ASXL3: variants seen among roughly 807,000 people sequenced by gnomAD.
The protein encoded by ASXL3 is putative Polycomb group protein ASXL3.
A neutral mutation model predicts 170.6 loss-of-function variants in ASXL3; 34 were observed. The observed-to-expected ratio is 0.20, with a 90% CI of 0.15 to 0.27. The LOEUF (loss-of-function observed/expected upper bound fraction) is 0.27. Ranked by LOEUF, ASXL3 falls within the 10% of genes least tolerant of loss-of-function variation. The probability of loss-of-function intolerance (pLI) is 1.00; values close to 1 mark genes in which losing one functional copy is unlikely to be tolerated. For missense variants in ASXL3, 2,592 were observed against 2,695.3 expected, an observed-to-expected ratio of 0.96 and a Z score of 0.85; for synonymous variants, 1,002 against 989.1, an observed-to-expected ratio of 1.01 and a Z score of -0.24.
chr18:33,740,264 A>T lies in ASXL3; in HGVS notation c.2860A>T (p.Asn954Tyr). The change falls in exon 11 of 12, where the codon AAT (asparagine) becomes TAT (tyrosine). Residue 954 changes from asparagine (N) to tyrosine (Y), a missense_variant. Asn to Tyr is a moderately radical substitution (Grantham distance 143). Coordinates refer to ENST00000269197, the MANE Select transcript of ASXL3 (RefSeq NM_030632.3). ...CTCCAAGTCACCTGATGGGATAAGA[A>T]ATGAAAGTAGAGATTCAGAGATATC... The part of the protein sequence containing the change: ...EPSKSPDGIR[N>Y]ESRDSEISKR... The T allele has an allele frequency of 6.2e-7, 1 of 1,613,440 alleles. No individual in the cohort carries two copies. The highest frequency in any genetic ancestry group is 8.5e-7 in the Non-Finnish European group (1 of 1,179,634).
intron 4 of ASXL3, among the ~76,000 whole-genome samples, chr18:33,653,716 A>T (rs995883213): frequency 6.6e-6 from 1 of 152,082 alleles, no homozygotes; most frequent in Non-Finnish European, 1.5e-5. Context: ...CAATTGAAGT[A>T]GACAATATTC....
intron 2 of ASXL3, among the ~76,000 whole-genome samples, chr18:33,610,359 G>A (rs1451816844): frequency 6.6e-6 from 1 of 151,884 alleles, no homozygotes; most frequent in Admixed American, 6.6e-5. Flanking sequence ...TTACTAATAT[G>A]GCCATAACCC....
At chr18:33,688,021 T>C (rs1195933487) in intron 8 of ASXL3, among the ~76,000 whole-genome samples, 1 of 152,218 alleles carries the variant, frequency 6.6e-6, no homozygotes, top group Non-Finnish European at 1.5e-5. Flanking sequence ...TTGTGTAGGA[T>C]GGCTACCCGA....
intron 5 of ASXL3, among the ~76,000 whole-genome samples, chr18:33,668,712 A>T (rs2066296575): frequency 1.3e-5 from 2 of 151,918 alleles, no homozygotes; most frequent in African/African-American, 4.8e-5. Flanking sequence ...CTTCTGTCTG[A>T]TTACTAATTT....
chr18:33,607,308 A>G (rs1482559825), intron 1 of ASXL3, among the ~76,000 whole-genome samples: 3 of 151,982 alleles, frequency 2.0e-5, no homozygotes, highest in Admixed American at 2.0e-4. Flanking sequence ...AAAGGAAATT[A>G]TATACATTTG....
chr18:33,630,146 T>C (rs1277734844), intron 2 of ASXL3, among the ~76,000 whole-genome samples: 1 of 151,982 alleles, frequency 6.6e-6, no homozygotes, highest in African/African-American at 2.4e-5. Context: ...TATTTTTAAG[T>C]GTCACATACT....
At chr18:33,637,411 A>G (rs1354134545) in intron 2 of ASXL3, among the ~76,000 whole-genome samples, 3 of 152,142 alleles carry the variant, frequency 2.0e-5, no homozygotes, top group Non-Finnish European at 4.4e-5. Flanking sequence ...AGAATGCAAC[A>G]TACATTTCTC....
At chr18:33,637,707 A>T (rs1053414967) in intron 2 of ASXL3, among the ~76,000 whole-genome samples, 1 of 152,144 alleles carries the variant, frequency 6.6e-6, no homozygotes, top group Non-Finnish European at 1.5e-5. Flanking sequence ...AAATAGGCTA[A>T]AAGTCCTGAA....
intron 8 of ASXL3, among the ~76,000 whole-genome samples, chr18:33,718,005 A>G (rs2067193553): frequency 6.6e-6 from 1 of 152,124 alleles, no homozygotes; most frequent in Non-Finnish European, 1.5e-5. Context: ...CACATCAAAG[A>G]TTAAAAGTAG....
chr18:33,729,803 C>T (rs894898341), intron 8 of ASXL3, among the ~76,000 whole-genome samples: 4 of 152,064 alleles, frequency 2.6e-5, no homozygotes, highest in Admixed American at 2.0e-4. Flanking sequence ...AGACCGCCAT[C>T]CCTGAGGAGT....
At chr18:33,706,876 T>C (rs940940057) in intron 8 of ASXL3, among the ~76,000 whole-genome samples, 27 of 152,040 alleles carry the variant, frequency 1.8e-4, no homozygotes, top group African/African-American at 6.0e-4. Flanking sequence ...ATTCGCATCA[T>C]GTAAAGAGAT....
Position 33,745,116 on chromosome 18 carries a change from C to T in ASXL3, c.5268C>T (p.Gly1756=). ...CGCTGGTGACGCAGTTACTACAGGG[C>T]AACCTGCCTTTGGAAAAAGTGTTGC... ...NNPLVTQLLQ[G]NLPLEKVLPQ... is the part of the protein sequence containing the mutation. The change falls in exon 12 of 12, where the codon GGC becomes GGT. Residue 1756 remains glycine (G), a synonymous_variant. Transcript: ENST00000269197. 6.2e-7 allele frequency: 1 copy of T among 1,614,026 alleles called. No homozygotes were observed. The highest frequency in any genetic ancestry group is 8.5e-7 in the Non-Finnish European group (1 of 1,179,904).
At chr18:33,600,668 C>T (rs971670326) in intron 1 of ASXL3, among the ~76,000 whole-genome samples, 1 of 152,088 alleles carries the variant, frequency 6.6e-6, no homozygotes, top group Non-Finnish European at 1.5e-5. Flanking sequence ...TAGAAACTTA[C>T]TGAGATCCAA....
Position 33,637,001 on chromosome 18 carries a change from A to T in ASXL3, c.138-7893A>T, listed in dbSNP as rs965270653. Among the ~76,000 whole-genome samples, 4 of 152,178 alleles carry T rather than the reference A, an allele frequency of 2.6e-5. No homozygotes were observed. The East Asian group carries it at 7.7e-4, about 29-fold the overall frequency. On this transcript the variant is annotated intron_variant, in intron 2 of 11. Coordinates refer to ENST00000269197, the MANE Select transcript of ASXL3 (RefSeq NM_030632.3). Reference sequence around the variant, plus strand: ...AAATACATAGTATTTTTAAGTACATAGAGATACGTTTGTGAATTTTCAATG... The same window carrying T: ...AAATACATAGTATTTTTAAGTACATTGAGATACGTTTGTGAATTTTCAATG...
At chr18:33,603,136 A>G (rs954320893) in intron 1 of ASXL3, among the ~76,000 whole-genome samples, 4 of 152,068 alleles carry the variant, frequency 2.6e-5, no homozygotes, top group African/African-American at 9.7e-5. Flanking sequence ...GCTCTCTCAG[A>G]AAGTTTTATT....
Position 33,737,895 on chromosome 18 carries a change from A to T in ASXL3, c.1083-592A>T, listed in dbSNP as rs2067575208. Reference sequence around the variant, plus strand: ...TTTTCTTACATCCTCTGAAAACTATATAATTTTCTATTATAAGAGCATCTT... The same window carrying T: ...TTTTCTTACATCCTCTGAAAACTATTTAATTTTCTATTATAAGAGCATCTT... On this transcript the variant is annotated intron_variant, in intron 10 of 11. Coordinates refer to ENST00000269197, the MANE Select transcript of ASXL3 (RefSeq NM_030632.3). Among the ~76,000 whole-genome samples, 3 of 152,254 alleles carry T rather than the reference A, an allele frequency of 2.0e-5. No homozygotes were observed. In the South Asian group the frequency reaches 6.2e-4, roughly 32 times the overall value.
chr18:33,737,728 C>G (rs2067572023), intron 10 of ASXL3, among the ~76,000 whole-genome samples: 1 of 152,072 alleles, frequency 6.6e-6, no homozygotes, highest in Non-Finnish European at 1.5e-5. Flanking sequence ...TGCATGTTGT[C>G]TTAGGTTAGA....
intron 5 of ASXL3, among the ~76,000 whole-genome samples, chr18:33,662,376 C>T (rs1214087933): frequency 6.6e-6 from 1 of 152,168 alleles, no homozygotes; most frequent in Non-Finnish European, 1.5e-5. Flanking sequence ...TAGCAAGCCA[C>T]TTCTCCTCTC....
Position 33,742,784 on chromosome 18 carries a change from G to GA in ASXL3, c.3040-103dup, listed in dbSNP as rs2145422597. ...TTAGGTGTAGTTCATGGCATATTAG[G>GA]AGAGAATGCAGCTAGTCTTTTCCCT... On this transcript the variant is annotated intron_variant, in intron 11 of 11. Coordinates refer to ENST00000269197, the MANE Select transcript of ASXL3 (RefSeq NM_030632.3). The GA allele has an allele frequency of 2.8e-6, 4 of 1,424,740 alleles. No homozygotes were observed. The East Asian group carries it at 9.8e-5, about 35-fold the overall frequency. 88.3% of individuals were successfully genotyped at this position (1,424,740 alleles called of 1,614,324 possible).
Sources: gnomAD v4.1 joint callset for allele counts (sites outside exome capture counted in the v4.1 genomes callset) on GRCh38, gnomAD v4.1.1 for gene constraint, MANE v1.5 for transcripts, NCBI Gene and HGNC (gene_info 2026-07-23, HGNC 2026-07-21) for gene names.